The following IGSF3 variants were observed in gnomAD, a reference collection of about 807,000 sequenced individuals.
IGSF3 encodes the protein immunoglobulin superfamily member 3.
Under a neutral mutation model 114.4 loss-of-function variants are expected in IGSF3, and 23 were observed. That is an observed-to-expected ratio of 0.20 (90% confidence interval 0.14 to 0.28). IGSF3 has a LOEUF of 0.28. IGSF3 is among the 10% of genes least tolerant of loss of function. The pLI is 1.00. For missense variants in IGSF3, 1,172 were observed against 1,591.5 expected (o/e 0.74, Z 4.48); for synonymous variants, 571 against 645.2 (o/e 0.88, Z 1.74).
intron 2 of IGSF3, among the ~76,000 whole-genome samples, chr1:116,639,862 C>T (rs1238971871): frequency 1.3e-5 from 2 of 151,784 alleles, no homozygotes; most frequent in African/African-American, 2.4e-5. Context: ...GGTGAAACCC[C>T]GTCTCTACTG....
In IGSF3 at chr1:116,600,222, C is replaced by T. The variant is rs770971514; in HGVS notation, c.1748G>A (p.Arg583Gln). 15 of 1,614,050 alleles carry T rather than the reference C, an allele frequency of 9.3e-6. No individual in the cohort carries two copies. The highest frequency in any genetic ancestry group is 4.5e-5 in the East Asian group (2 of 44,894). The stretch of plus-strand genomic sequence containing the variant: ...CTCCACCGTGCCCACCGGCTGGAAC[C>T]GCCATGTCACCGACACGGGGACCCA... ...PAWVPVSVTW[R>Q]FQPVGTVEFH... Residue 583 changes from arginine to glutamine, a missense_variant, in exon 7 of 11, where the codon CGG becomes CAG. Arg to Gln is a conservative substitution (Grantham distance 43). Coordinates refer to ENST00000369486, the MANE Select transcript of IGSF3 (RefSeq NM_001007237.3). This position sits in a 1 kb window ranked among gnomAD's most constrained non-coding sequence, Gnocchi z 5.5.
rs1282725803 is a variant in IGSF3 at position 116,596,631 on chromosome 1, G to A, written c.2029+3310C>T. 2.6e-5 allele frequency among the ~76,000 whole-genome samples: 4 copies of A among 152,322 alleles called. No homozygotes were observed. The highest frequency in any genetic ancestry group is 9.6e-5 in the African/African-American group (4 of 41,560). Reference sequence around the variant, plus strand: ...ATCAGGGGTGGTTAACCAGAGAGAGGAAACATTAAATACAAGTATACAGTA... The same window carrying A: ...ATCAGGGGTGGTTAACCAGAGAGAGAAAACATTAAATACAAGTATACAGTA... On this transcript the variant is annotated intron_variant, in intron 7 of 10. Coordinates refer to ENST00000369486, the MANE Select transcript of IGSF3 (RefSeq NM_001007237.3). The surrounding 1 kb of genome is among the most constrained non-coding windows in gnomAD (Gnocchi z 4.1).
intron 6 of IGSF3, among the ~76,000 whole-genome samples, chr1:116,602,817 A>G (rs556005430): frequency 1.3e-5 from 2 of 152,364 alleles, no homozygotes; most frequent in East Asian, 3.9e-4. Context: ...GTCGTTTAAA[A>G]TCTAATAGAC....
Position 116,585,131 on chromosome 1 carries a change from T to C in IGSF3, c.2441-79A>G, listed in dbSNP as rs549223573. The C allele has an allele frequency of 8.5e-5, 95 of 1,114,438 alleles. No individual in the cohort carries two copies. The Admixed American group carries it at 1.0e-3, about 12-fold the overall frequency. The allele number at this position is 1,114,438 out of a possible 1,614,324, so 69.0% of individuals were successfully genotyped here. On this transcript the variant is annotated intron_variant, in intron 8 of 10. Transcript: ENST00000369486. The surrounding 1 kb of genome is among the most constrained non-coding windows in gnomAD (Gnocchi z 4.9). ...CGCACCCTTTCCCAGGGTAGGTGAATGGATGCCTTCCAAATACAGAAGGAC... is the reference window on the plus strand; with the variant it reads ...CGCACCCTTTCCCAGGGTAGGTGAACGGATGCCTTCCAAATACAGAAGGAC...
At chr1:116,613,734 A>G (rs1309423414) in intron 4 of IGSF3, 31 bp downstream of exon 4, 1 of 1,593,134 alleles carries the variant, frequency 6.3e-7, no homozygotes, top group Non-Finnish European at 8.6e-7. Context: ...CACCAAGTAA[A>G]GGACAGGACA....
rs1366933948 is a variant in IGSF3 at position 116,632,815 on chromosome 1, G to T, written c.44-16358C>A. Among the ~76,000 whole-genome samples, 1 of 152,192 alleles carries T rather than the reference G, an allele frequency of 6.6e-6. No homozygotes were observed. The highest frequency in any genetic ancestry group is 6.5e-5 in the Admixed American group (1 of 15,282). ...TAAAAGGCTGCAGCGAGAAACAAGT[G>T]GGGCCACAGAGAGAAAGGGGTTTTG... On this transcript the variant is annotated intron_variant, in intron 2 of 10. Transcript: ENST00000369486. The surrounding 1 kb of genome is among the most constrained non-coding windows in gnomAD (Gnocchi z 5.1).
rs908251438 is a variant in IGSF3, at chr1:116,629,901, T to G, written c.44-13444A>C. The stretch of plus-strand genomic sequence containing the variant: ...TGCTTCTTCCAATTGGATGCCTTCA[T>G]GAGGCATTAACAGAGACTGTGAGCC... On this transcript the variant is annotated intron_variant, in intron 2 of 10. Coordinates refer to ENST00000369486, the MANE Select transcript of IGSF3 (RefSeq NM_001007237.3). This position sits in a 1 kb window ranked among gnomAD's most constrained non-coding sequence, Gnocchi z 4.3. 6.6e-6 allele frequency among the ~76,000 whole-genome samples: 1 copy of G among 152,240 alleles called. No homozygotes were observed. The highest frequency in any genetic ancestry group is 2.4e-5 in the African/African-American group (1 of 41,466).
chr1:116,659,445 T>C (rs1649018725), intron 2 of IGSF3, among the ~76,000 whole-genome samples: 1 of 152,164 alleles, frequency 6.6e-6, no homozygotes, highest in South Asian at 2.1e-4. Context: ...TTGATTTTGA[T>C]GCAACCACTC....
chr1:116,601,267 G>A (rs1660574091), intron 6 of IGSF3, among the ~76,000 whole-genome samples: 1 of 152,186 alleles, frequency 6.6e-6, no homozygotes. Flanking sequence ...CATTTAGTAA[G>A]TCAATGACAG....
Position 116,614,297 on chromosome 1 carries a change from C to T in IGSF3, c.422-122G>A. The stretch of plus-strand genomic sequence containing the variant: ...GCGCCCCTAACAGTCATCCTTGAAC[C>T]ATCGATTCAAGGCCACAGACAGCCC... On this transcript the variant is annotated intron_variant, in intron 3 of 10. Coordinates refer to ENST00000369486, the MANE Select transcript of IGSF3 (RefSeq NM_001007237.3). This position sits in a 1 kb window ranked among gnomAD's most constrained non-coding sequence, Gnocchi z 4.5. 1.3e-6 allele frequency: 1 copy of T among 763,380 alleles called. No homozygotes were observed. Among genetic ancestry groups the T allele is most frequent in the Admixed American group, 2.7e-5 (1 of 37,060 alleles). The allele number at this position is 763,380 out of a possible 1,614,324, so 47.3% of individuals were successfully genotyped here.
intron 8 of IGSF3, among the ~76,000 whole-genome samples, chr1:116,586,504 A>G (rs1659851050): frequency 6.6e-6 from 1 of 152,180 alleles, no homozygotes; most frequent in African/African-American, 2.4e-5. Flanking sequence ...CAACACAAAG[A>G]AAGAAACGAG....
intron 2 of IGSF3, among the ~76,000 whole-genome samples, chr1:116,653,893 A>C (rs1648740468): frequency 1.3e-5 from 2 of 152,252 alleles, no homozygotes; most frequent in East Asian, 3.8e-4. Flanking sequence ...AGCACTGGGC[A>C]GCGTGCTCAG....
At chr1:116,640,037 C>CAAAAAAAAAAAA (rs34003833) in intron 2 of IGSF3, among the ~76,000 whole-genome samples, 12 of 65,142 alleles carry the variant, frequency 1.8e-4, no homozygotes, top group East Asian at 5.3e-4. Context: ...GACTCTATCT[C>CAAAAAAAAAAAA]AAAAAAAAAA....
Position 116,649,173 on chromosome 1 carries a change from C to T in IGSF3, c.43+17111G>A, listed in dbSNP as rs543153525. On this transcript the variant is annotated intron_variant, in intron 2 of 10. Coordinates refer to ENST00000369486, the MANE Select transcript of IGSF3 (RefSeq NM_001007237.3). This position sits in a 1 kb window ranked among gnomAD's most constrained non-coding sequence, Gnocchi z 4.5. ...CTGGTCCTGGAAGGACAGCCCTCCCCGTCTTGGCAGCCACACTTTCTGGCC... is the reference window on the plus strand; with the variant it reads ...CTGGTCCTGGAAGGACAGCCCTCCCTGTCTTGGCAGCCACACTTTCTGGCC... 7.9e-5 allele frequency among the ~76,000 whole-genome samples: 12 copies of T among 152,354 alleles called. No individual in the cohort carries two copies. The highest frequency in any genetic ancestry group is 2.4e-4 in the African/African-American group (10 of 41,586).
At chr1:116,658,111 G>C (rs1267153265) in intron 2 of IGSF3, among the ~76,000 whole-genome samples, 1 of 151,092 alleles carries the variant, frequency 6.6e-6, no homozygotes, top group Non-Finnish European at 1.5e-5. Context: ...GTGCAATCTC[G>C]GCTCATCGCA....
chr1:116,577,304 T>C lies in IGSF3; in HGVS notation c.*8A>G. On this transcript the variant is annotated 3_prime_UTR_variant, in exon 11 of 11. Transcript: ENST00000369486. The surrounding 1 kb of genome is among the most constrained non-coding windows in gnomAD (Gnocchi z 5.7). The stretch of plus-strand genomic sequence containing the variant: ...TCCGTGGCCAACATCCGCTGGGGCA[T>C]CACCCGCTTAGTCTATGGCCCCTGG... 4 of 1,612,922 alleles carry C rather than the reference T, an allele frequency of 2.5e-6. No homozygotes were observed. The highest frequency in any genetic ancestry group is 3.4e-6 in the Non-Finnish European group (4 of 1,179,618).
At chr1:116,641,988 C>T (rs868375983) in intron 2 of IGSF3, among the ~76,000 whole-genome samples, 4 of 151,828 alleles carry the variant, frequency 2.6e-5, no homozygotes, top group East Asian at 3.9e-4. Context: ...GACAGTGTCT[C>T]GAACTCCTGG....
rs1400719117 is a variant in IGSF3 at position 116,607,111 on chromosome 1, G to C, written c.1222+831C>G. Reference sequence around the variant, plus strand: ...TTTGAGCAGCTGAGACAAGGTTAAAGGTTAGTCTTAAAACTTTACCACTTG... The same window carrying C: ...TTTGAGCAGCTGAGACAAGGTTAAACGTTAGTCTTAAAACTTTACCACTTG... On this transcript the variant is annotated intron_variant, in intron 5 of 10. Coordinates refer to ENST00000369486, the MANE Select transcript of IGSF3 (RefSeq NM_001007237.3). The surrounding 1 kb of genome is among the most constrained non-coding windows in gnomAD (Gnocchi z 6.1). 1.3e-5 allele frequency among the ~76,000 whole-genome samples: 2 copies of C among 152,154 alleles called. No homozygotes were observed. The highest frequency in any genetic ancestry group is 2.9e-5 in the Non-Finnish European group (2 of 68,022).
intron 2 of IGSF3, among the ~76,000 whole-genome samples, chr1:116,640,574 A>G (rs1400400381): frequency 6.6e-6 from 1 of 152,194 alleles, no homozygotes; most frequent in African/African-American, 2.4e-5. Context: ...TTTTATTGAC[A>G]AAACATTTTT....
Sources: gnomAD v4.1 joint callset for allele counts (sites outside exome capture counted in the v4.1 genomes callset) on GRCh38, gnomAD v4.1.1 for gene constraint, Gnocchi (gnomAD v3.1) non-coding constraint, MANE v1.5 for transcripts, NCBI Gene and HGNC (gene_info 2026-07-23, HGNC 2026-07-21) for gene names.